The following ZNF385B variants were observed in gnomAD, a reference collection of about 807,000 sequenced individuals.
ZNF385B encodes zinc finger protein 385B.
ZNF385B carries 23 observed loss-of-function variants against 39.2 expected under a neutral mutation model. That is an observed-to-expected ratio of 0.59 (90% CI 0.42 to 0.83). The LOEUF (loss-of-function observed/expected upper bound fraction) is 0.83, where lower values mean the gene tolerates loss of function less well. Ranked by LOEUF, ZNF385B falls within the 40% of genes least tolerant of loss-of-function variation. The pLI is 0.00. For synonymous variants in ZNF385B, 205 were observed against 222.6 expected, an observed-to-expected ratio of 0.92 and a Z score of 0.70; for missense variants, 552 against 598.9, an observed-to-expected ratio of 0.92 and a Z score of 0.82.
At chr2:179,740,649 T>G (rs1405174534) in intron 3 of ZNF385B, among the ~76,000 whole-genome samples, 1 of 152,078 alleles carries the variant, frequency 6.6e-6, no homozygotes, top group Non-Finnish European at 1.5e-5. Flanking sequence ...CACAACCAAA[T>G]AGGACTGAAG....
At chr2:179,482,540 T>C (rs1244363577) in intron 6 of ZNF385B, among the ~76,000 whole-genome samples, 3 of 152,236 alleles carry the variant, frequency 2.0e-5, no homozygotes, top group South Asian at 4.1e-4. Context: ...TTCCACTGAA[T>C]GAACCTACTC....
chr2:179,817,681 G>GTA (rs1424034783), intron 1 of ZNF385B, among the ~76,000 whole-genome samples: 2 of 151,854 alleles, frequency 1.3e-5, no homozygotes, highest in Non-Finnish European at 2.9e-5. Context: ...GTGTGTGTGT[G>GTA]TGTGTGTGTC....
At chr2:179,780,226 A>G (rs892552948) in intron 1 of ZNF385B, among the ~76,000 whole-genome samples, 1 of 152,182 alleles carries the variant, frequency 6.6e-6, no homozygotes, top group African/African-American at 2.4e-5. Context: ...GCTTCATGTT[A>G]GAGAATGAAC....
At chr2:179,661,312 A>G (rs998989957) in intron 3 of ZNF385B, among the ~76,000 whole-genome samples, 12 of 152,212 alleles carry the variant, frequency 7.9e-5, no homozygotes, top group African/African-American at 2.9e-4. Flanking sequence ...TATGAAATTC[A>G]GGCCTCTTGC....
At position 179,589,482 on chromosome 2, in the gene ZNF385B, G is replaced by A. The variant is rs79903308; in HGVS notation, c.299-44513C>T. ...AGGGAGGGATGAATTTATTTTTAAA[G>A]TGGGCTAGTTGAGAAGTAGTGTGAA... On this transcript the variant is annotated intron_variant, in intron 3 of 9. Coordinates refer to ENST00000410066, the MANE Select transcript of ZNF385B (RefSeq NM_152520.6). Among the ~76,000 whole-genome samples, 758 of 152,310 alleles carry A rather than the reference G, an allele frequency of 5.0e-3. 10 individuals carry two copies. The highest frequency in any genetic ancestry group is 0.039 in the East Asian group (203 of 5,188).
At chr2:179,717,365 C>T (rs1264042229) in intron 3 of ZNF385B, among the ~76,000 whole-genome samples, 2 of 152,114 alleles carry the variant, frequency 1.3e-5, no homozygotes, top group Non-Finnish European at 1.5e-5. Flanking sequence ...AATGGCAGCA[C>T]TTCTACCTTG....
intron 5 of ZNF385B, among the ~76,000 whole-genome samples, chr2:179,493,510 C>CGTATACATATGTGTGTACATATATGT (rs2055526903): frequency 6.7e-6 from 1 of 150,060 alleles, no homozygotes; most frequent in Non-Finnish European, 1.5e-5. Context: ...TACATATATG[C>CGTATACATATGTGTGTACATATATGT]GTATACATAT....
intron 3 of ZNF385B, among the ~76,000 whole-genome samples, chr2:179,687,877 G>A (rs1698045751): frequency 6.6e-6 from 1 of 152,160 alleles, no homozygotes; most frequent in African/African-American, 2.4e-5. Flanking sequence ...ATTACTAGAA[G>A]CTACTATATT....
intron 3 of ZNF385B, among the ~76,000 whole-genome samples, chr2:179,561,764 C>G (rs1458851041): frequency 1.3e-5 from 2 of 152,044 alleles, no homozygotes; most frequent in East Asian, 3.9e-4. Flanking sequence ...GACAATACTC[C>G]CTCTTGAGGA....
At chr2:179,814,417 C>T (rs1447760645) in intron 1 of ZNF385B, 3 of 430,282 alleles carry the variant, frequency 7.0e-6, no homozygotes, top group East Asian at 1.3e-4. Flanking sequence ...AAAGATTTTG[C>T]AGTTATTTTT....
chr2:179,525,698 T>A (rs1237250702), intron 4 of ZNF385B, among the ~76,000 whole-genome samples: 1 of 152,228 alleles, frequency 6.6e-6, no homozygotes, highest in Non-Finnish European at 1.5e-5. Context: ...AGAGAATAAC[T>A]ATTTTTTATC....
chr2:179,807,836 A>C lies in ZNF385B; in HGVS notation c.-154-37164T>G, dbSNP rs527952515. Among the ~76,000 whole-genome samples the C allele has an allele frequency of 3.3e-3, 490 of 150,066 alleles. 2 individuals are homozygous for C. Among genetic ancestry groups the C allele is most frequent in the African/African-American group, 0.011 (441 of 40,896 alleles). ...CCTGAACCCGGGAGGTGGAGCTTGCAGTGAGCTGAGATCACGCCACTGCAC... is the reference window on the plus strand; with the variant it reads ...CCTGAACCCGGGAGGTGGAGCTTGCCGTGAGCTGAGATCACGCCACTGCAC... On this transcript the variant is annotated intron_variant, in intron 1 of 9. Transcript: ENST00000410066.
At chr2:179,737,681 A>G (rs1028945864) in intron 3 of ZNF385B, among the ~76,000 whole-genome samples, 2 of 152,244 alleles carry the variant, frequency 1.3e-5, no homozygotes, top group African/African-American at 4.8e-5. Context: ...TTCTGATTAC[A>G]TCATATTCCC....
chr2:179,581,355 A>G (rs1332643827), intron 3 of ZNF385B, among the ~76,000 whole-genome samples: 1 of 152,198 alleles, frequency 6.6e-6, no homozygotes, highest in Non-Finnish European at 1.5e-5. Context: ...TAAAAAAATT[A>G]CTTCTGCAGC....
At chr2:179,567,926 G>T (rs923428784) in intron 3 of ZNF385B, among the ~76,000 whole-genome samples, 2 of 152,002 alleles carry the variant, frequency 1.3e-5, no homozygotes, top group Non-Finnish European at 2.9e-5. Context: ...GACCACTTAC[G>T]GTCTCCGACA....
chr2:179,674,460 C>A (rs1431644145), intron 3 of ZNF385B, among the ~76,000 whole-genome samples: 1 of 152,056 alleles, frequency 6.6e-6, no homozygotes, highest in African/African-American at 2.4e-5. Context: ...AAATATAACC[C>A]AAATTTCACA....
chr2:179,700,846 T>C (rs1246696273), intron 3 of ZNF385B, among the ~76,000 whole-genome samples: 1 of 152,216 alleles, frequency 6.6e-6, no homozygotes, highest in East Asian at 1.9e-4. Flanking sequence ...ACCCCGTCCC[T>C]ACTAAAAATA....
At position 179,769,667 on chromosome 2, in the gene ZNF385B, T is replaced by G; in HGVS notation, c.134A>C (p.Lys45Thr). 6.2e-7 allele frequency: 1 copy of G among 1,614,194 alleles called. No homozygotes were observed. The highest frequency in any genetic ancestry group is 1.1e-5 in the South Asian group (1 of 91,086). The part of the protein sequence containing the change: ...PEDQLSKEKK[K>T]ILFSFCEVCN... ...CACCTCACAGAAGGAGAAAAGAATT[T>G]TCTTTTTCTCTTTGCTCAACTGGTC... Residue 45 changes from lysine to threonine, a missense_variant, in exon 3 of 10, where the codon AAA (lysine) becomes ACA (threonine). Coordinates refer to ENST00000410066, the MANE Select transcript of ZNF385B (RefSeq NM_152520.6).
chr2:179,766,007 CCTTG>C (rs1057183691), intron 3 of ZNF385B, among the ~76,000 whole-genome samples: 27 of 139,908 alleles, frequency 1.9e-4, no homozygotes, highest in African/African-American at 7.2e-4. Context: ...TTCACAAGTC[CCTTG>C]CTCACTTTGG....
Sources: gnomAD v4.1 joint callset for allele counts (sites outside exome capture counted in the v4.1 genomes callset) on GRCh38, gnomAD v4.1.1 for gene constraint, MANE v1.5 for transcripts, NCBI Gene and HGNC (gene_info 2026-07-23, HGNC 2026-07-21) for gene names.